The following EEF1A2 variants were observed in gnomAD, a reference collection of about 807,000 sequenced individuals.
EEF1A2 encodes the protein elongation factor 1-alpha 2.
Under a neutral mutation model 39.3 loss-of-function variants are expected in EEF1A2, and 5 were observed. The observed-to-expected ratio is 0.13, with a 90% CI of 0.07 to 0.27. EEF1A2 has a LOEUF of 0.27. Ranked by LOEUF, EEF1A2 falls within the 10% of genes least tolerant of loss-of-function variation. The pLI is 1.00. For missense variants in EEF1A2, 218 were observed against 681.4 expected (o/e 0.32, Z 7.57); for synonymous variants, 287 against 293.7 (o/e 0.98, Z 0.23).
chr20:63,496,097 C>T (rs540670993), intron 2 of EEF1A2, 62 bp from the exon 3 acceptor site: 4 of 1,585,076 alleles, frequency 2.5e-6, no homozygotes, highest in Admixed American at 1.7e-5. Flanking sequence ...CCTGGTGGTG[C>T]GAGCTGCTTG....
chr20:63,496,214 C>T, intron 2 of EEF1A2, 179 bp from the exon 3 acceptor site: 1 of 726,908 alleles, frequency 1.4e-6, no homozygotes, highest in African/African-American at 1.8e-5. Flanking sequence ...CACACCCAGA[C>T]CCTGCCCCCC....
At chr20:63,489,220 G>A (rs1266776842) in intron 6 of EEF1A2, 68 bp from the exon 7 acceptor site, 1 of 1,500,220 alleles carries the variant, frequency 6.7e-7, no homozygotes, top group Admixed American at 1.9e-5. Flanking sequence ...GCCAGAGCGG[G>A]GCTGGGAGGC....
At position 63,497,282 on chromosome 20, in the gene EEF1A2, T is replaced by A; in HGVS notation, c.144+338A>T. 4.3e-6 allele frequency: 1 copy of A among 230,882 alleles called. No individual in the cohort carries two copies. Among genetic ancestry groups the A allele is most frequent in the East Asian group, 1.1e-4 (1 of 8,918 alleles). 14.3% of individuals were successfully genotyped at this position (230,882 alleles called of 1,614,324 possible). Reference sequence around the variant, plus strand: ...GCAGTACCATCTCCAGCCCCAGCCTTGGCCCTGGGGGGAAGGGGGTAAGGC... The same window carrying A: ...GCAGTACCATCTCCAGCCCCAGCCTAGGCCCTGGGGGGAAGGGGGTAAGGC... On this transcript the variant is annotated intron_variant, in intron 2 of 7. Transcript: ENST00000217182. This position sits in a 1 kb window ranked among gnomAD's most constrained non-coding sequence, Gnocchi z 7.3.
rs147821591 is a variant in EEF1A2 at position 63,497,795 on chromosome 20, C to T, written c.-32G>A. 9.7e-5 allele frequency: 155 copies of T among 1,601,832 alleles called. 1 individual carries two copies. In the African/African-American group the frequency reaches 1.4e-3, roughly 14 times the overall value. ...GGGAGTGTGAGGGGCTGGCGGGACCCGGGGTGCTCTGGCTCAGGGCGAGGG... is the reference window on the plus strand; with the variant it reads ...GGGAGTGTGAGGGGCTGGCGGGACCTGGGGTGCTCTGGCTCAGGGCGAGGG... On this transcript the variant is annotated 5_prime_UTR_variant, in exon 2 of 8. Coordinates refer to ENST00000217182, the MANE Select transcript of EEF1A2 (RefSeq NM_001958.5). The surrounding 1 kb of genome is among the most constrained non-coding windows in gnomAD (Gnocchi z 7.3).
At chr20:63,496,979 C>G (rs2082420800) in intron 2 of EEF1A2, 1 of 152,542 alleles carries the variant, frequency 6.6e-6, no homozygotes, top group African/African-American at 2.4e-5. Context: ...CAGGCCCTCC[C>G]AGGAGTGGGC....
chr20:63,495,150 G>C (rs758520737), intron 3 of EEF1A2, 49 bp from the exon 4 acceptor site: 52 of 1,584,088 alleles, frequency 3.3e-5, no homozygotes, highest in Admixed American at 5.1e-5. Flanking sequence ...CCTGGCAGGG[G>C]ACAGAGCGAG....
At position 63,489,018 on chromosome 20, in the gene EEF1A2, C is replaced by T. The variant is rs781641971; in HGVS notation, c.1164G>A (p.Glu388=). The T allele has an allele frequency of 1.1e-5, 17 of 1,612,782 alleles. No individual in the cohort carries two copies. The South Asian group carries it at 1.6e-4, about 16-fold the overall frequency. The part of the protein sequence containing the change: ...KIDRRSGKKL[E]DNPKSLKSGD... ...CAGACTTCAGGGACTTGGGGTTGTCCTCCAGCTTCTTGCCAGAGCGCCGGT... is the reference window on the plus strand; with the variant it reads ...CAGACTTCAGGGACTTGGGGTTGTCTTCCAGCTTCTTGCCAGAGCGCCGGT... Residue 388 remains glutamate, a synonymous_variant, in exon 7 of 8, where the codon GAG becomes GAA. Transcript: ENST00000217182.
intron 4 of EEF1A2, 55 bp from the exon 5 acceptor site, chr20:63,493,342 C>A: frequency 2.1e-6 from 3 of 1,460,376 alleles, no homozygotes; most frequent in Non-Finnish European, 2.7e-6. Context: ...CCTCCCCACC[C>A]TCAGGCCTCC....
intron 6 of EEF1A2, among the ~76,000 whole-genome samples, chr20:63,489,396 G>T (rs1025701079): frequency 1.3e-5 from 2 of 151,978 alleles, no homozygotes; most frequent in Non-Finnish European, 2.9e-5. Flanking sequence ...GCACTTACAC[G>T]GCCAACCCCA....
In EEF1A2 at chr20:63,497,608, TG is replaced by T. The variant is rs769963986; in HGVS notation, c.144+11del. The T allele has an allele frequency of 6.2e-7, 1 of 1,610,102 alleles. No homozygotes were observed. Among genetic ancestry groups the T allele is most frequent in the Non-Finnish European group, 8.5e-7 (1 of 1,178,198 alleles). ...TTCTCAGGGGGCCAAGACCATAGCCTGGGGAGCTCACCTCAGCCGCCTCCTT... is the reference window on the plus strand; with the variant it reads ...TTCTCAGGGGGCCAAGACCATAGCCTGGGAGCTCACCTCAGCCGCCTCCTT... On this transcript the variant is annotated intron_variant, in intron 2 of 7. Transcript: ENST00000217182. The surrounding 1 kb of genome is among the most constrained non-coding windows in gnomAD (Gnocchi z 7.3).
At chr20:63,495,263 G>A (rs960451137) in intron 3 of EEF1A2, among the ~76,000 whole-genome samples, 162 bp from the exon 4 acceptor site, 4 of 152,222 alleles carry the variant, frequency 2.6e-5, no homozygotes, top group Non-Finnish European at 4.4e-5. Context: ...CACTTCAAGG[G>A]CAGCATGGGG....
At chr20:63,494,002 A>T (rs2082404719) in intron 4 of EEF1A2, among the ~76,000 whole-genome samples, 1 of 152,186 alleles carries the variant, frequency 6.6e-6, no homozygotes, top group African/African-American at 2.4e-5. Flanking sequence ...TCACAGGTAA[A>T]CAACACCGAG....
intron 4 of EEF1A2, among the ~76,000 whole-genome samples, chr20:63,493,656 G>A (rs1337152502): frequency 6.6e-6 from 1 of 152,192 alleles, no homozygotes; most frequent in African/African-American, 2.4e-5. Context: ...GCTGAGTCTG[G>A]CCAAGGGCCA....
At chr20:63,494,439 G>T (rs539995557) in intron 4 of EEF1A2, among the ~76,000 whole-genome samples, 1 of 152,234 alleles carries the variant, frequency 6.6e-6, no homozygotes, top group Admixed American at 6.5e-5. Context: ...GCCCCTGCAC[G>T]GTGTCCAGGA....
chr20:63,491,305 C>T (rs184104077), intron 5 of EEF1A2, among the ~76,000 whole-genome samples: 113 of 152,334 alleles, frequency 7.4e-4, no homozygotes, highest in African/African-American at 2.6e-3. Context: ...ACAGGCACAG[C>T]GGCACATGAG....
In EEF1A2 at chr20:63,497,974, C is replaced by T. The variant is rs1166716919; in HGVS notation, c.-71-140G>A. On this transcript the variant is annotated intron_variant, in intron 1 of 7. Coordinates refer to ENST00000217182, the MANE Select transcript of EEF1A2 (RefSeq NM_001958.5). This position sits in a 1 kb window ranked among gnomAD's most constrained non-coding sequence, Gnocchi z 7.3. Reference sequence around the variant, plus strand: ...CATGTTTGGTGGGGAGGGAAGGGCCCCCACCCACAGCTGGGCCTGGCCAGG... The same window carrying T: ...CATGTTTGGTGGGGAGGGAAGGGCCTCCACCCACAGCTGGGCCTGGCCAGG... 8.1e-6 allele frequency: 5 copies of T among 618,990 alleles called. No individual in the cohort carries two copies. The highest frequency in any genetic ancestry group is 5.6e-5 in the African/African-American group (3 of 53,468). The allele number at this position is 618,990 out of a possible 1,614,324, so 38.3% of individuals were successfully genotyped here. A position where few individuals can be genotyped will look rare whatever the true frequency, so the allele number is the denominator to read the frequency against.
chr20:63,491,527 G>A (rs1294235483), intron 5 of EEF1A2, among the ~76,000 whole-genome samples: 1 of 152,216 alleles, frequency 6.6e-6, no homozygotes, highest in Admixed American at 6.5e-5. Context: ...AGAGATGCCT[G>A]CAACATCTTT....
At chr20:63,496,161 C>T (rs549232477) in intron 2 of EEF1A2, 126 bp from the exon 3 acceptor site, 8 of 1,204,100 alleles carry the variant, frequency 6.6e-6, no homozygotes, top group Admixed American at 2.2e-5. Flanking sequence ...CCCCCTTGCT[C>T]TCCGTCGGGG....
rs1057522758 is a variant in EEF1A2, at chr20:63,488,908, C to A, written c.1264+10G>T. On this transcript the variant is annotated intron_variant, in intron 7 of 7. Transcript: ENST00000217182. The stretch of plus-strand genomic sequence containing the variant: ...TGGGGGCTGCACCTCCCCGGACCAC[C>A]CCGGCTCACCGAGAGGCGGGTACTG... 6.2e-7 allele frequency: 1 copy of A among 1,608,700 alleles called. No homozygotes were observed. Among genetic ancestry groups the A allele is most frequent in the South Asian group, 1.1e-5 (1 of 91,074 alleles).
Sources: gnomAD v4.1 joint callset for allele counts (sites outside exome capture counted in the v4.1 genomes callset) on GRCh38, gnomAD v4.1.1 for gene constraint, Gnocchi (gnomAD v3.1) non-coding constraint, MANE v1.5 for transcripts, NCBI Gene and HGNC (gene_info 2026-07-23, HGNC 2026-07-21) for gene names.